The following PTPRM variants were observed in gnomAD, a reference collection of about 807,000 sequenced individuals.
The protein encoded by PTPRM is receptor-type tyrosine-protein phosphatase mu.
A neutral mutation model predicts 186.7 loss-of-function variants in PTPRM; 47 were observed. The ratio of observed to expected loss-of-function variants is 0.25; its 90% CI spans 0.20 to 0.32. PTPRM has a LOEUF of 0.32. Ranked by LOEUF, PTPRM falls within the 10% of genes least tolerant of loss-of-function variation. The probability of loss-of-function intolerance (pLI) is 1.00; values close to 1 mark genes in which losing one functional copy is unlikely to be tolerated. For synonymous variants in PTPRM, 668 were observed against 674.9 expected, an observed-to-expected ratio of 0.99 and a Z score of 0.16; for missense variants, 1,494 against 1,865.0, an observed-to-expected ratio of 0.80 and a Z score of 3.66.
At chr18:8,055,209 T>A (rs1368453231) in intron 7 of PTPRM, among the ~76,000 whole-genome samples, 1 of 152,198 alleles carries the variant, frequency 6.6e-6, no homozygotes, top group African/African-American at 2.4e-5. Context: ...ATGTCTTCAG[T>A]TAGTGCCTCT....
chr18:7,656,379 A>G lies in PTPRM; in HGVS notation c.73+88488A>G, dbSNP rs563072672. The stretch of plus-strand genomic sequence containing the variant: ...GCATCAAGAGTAGTCAGATTTGGAA[A>G]CAGAAAGTAGAATTGTGGTTCCCCG... On this transcript the variant is annotated intron_variant, in intron 1 of 32. Coordinates refer to ENST00000580170, the MANE Select transcript of PTPRM (RefSeq NM_001105244.2). Among the ~76,000 whole-genome samples, 4 of 152,274 alleles carry G rather than the reference A, an allele frequency of 2.6e-5. No individual in the cohort carries two copies. In the East Asian group the frequency reaches 7.7e-4, roughly 29 times the overall value.
intron 14 of PTPRM, among the ~76,000 whole-genome samples, chr18:8,155,705 C>G (rs1270563737): frequency 6.6e-6 from 1 of 152,124 alleles, no homozygotes; most frequent in Non-Finnish European, 1.5e-5. Flanking sequence ...GATGAAAGCC[C>G]CATTTTCAAA....
At chr18:8,015,589 G>T (rs1267358331) in intron 7 of PTPRM, among the ~76,000 whole-genome samples, 3 of 152,046 alleles carry the variant, frequency 2.0e-5, no homozygotes, top group Admixed American at 6.5e-5. Context: ...CTTTGATAGG[G>T]CTTACTATAC....
intron 2 of PTPRM, among the ~76,000 whole-genome samples, chr18:7,883,022 T>C (rs190969683): frequency 6.6e-6 from 1 of 152,308 alleles, no homozygotes; most frequent in Non-Finnish European, 1.5e-5. Context: ...AAAATAATTA[T>C]TCTTAAGAAG....
intron 4 of PTPRM, among the ~76,000 whole-genome samples, chr18:7,916,800 A>T (rs1045858748): frequency 1.3e-5 from 2 of 151,956 alleles, no homozygotes; most frequent in African/African-American, 4.8e-5. Flanking sequence ...AACATTCCAT[A>T]TCCTCTCTTC....
chr18:8,239,059 T>C (rs969539817), intron 14 of PTPRM, among the ~76,000 whole-genome samples: 1 of 150,444 alleles, frequency 6.6e-6, no homozygotes, highest in African/African-American at 2.4e-5. Flanking sequence ...GTTAGTTACA[T>C]ATGTATACAT....
chr18:7,599,488 C>G (rs1477781617), intron 1 of PTPRM, among the ~76,000 whole-genome samples: 1 of 152,158 alleles, frequency 6.6e-6, no homozygotes, highest in Non-Finnish European at 1.5e-5. Flanking sequence ...TTTGCTGGGT[C>G]CCTTGCTATA....
chr18:8,211,971 G>A (rs904576838), intron 14 of PTPRM, among the ~76,000 whole-genome samples: 1 of 152,170 alleles, frequency 6.6e-6, no homozygotes, highest in African/African-American at 2.4e-5. Context: ...CCAGGTGTCA[G>A]GGGTAAGCTG....
At chr18:8,300,918 A>C (rs2095150317) in intron 20 of PTPRM, among the ~76,000 whole-genome samples, 1 of 152,118 alleles carries the variant, frequency 6.6e-6, no homozygotes, top group South Asian at 2.1e-4. Context: ...CTGTACCCAC[A>C]CACACATAAT....
At chr18:8,238,660 T>TTG (rs1568578185) in intron 14 of PTPRM, among the ~76,000 whole-genome samples, 1 of 135,166 alleles carries the variant, frequency 7.4e-6, no homozygotes, top group African/African-American at 2.7e-5. Flanking sequence ...TGTTTTTTTT[T>TTG]TTTTTTTTTT....
chr18:8,024,979 A>C (rs142533805), intron 7 of PTPRM, among the ~76,000 whole-genome samples: 2 of 152,244 alleles, frequency 1.3e-5, no homozygotes, highest in African/African-American at 4.8e-5. Context: ...AAGTGCTGGG[A>C]TTACAAGCAT....
chr18:7,866,098 A>C (rs1312792148), intron 2 of PTPRM, among the ~76,000 whole-genome samples: 1 of 151,726 alleles, frequency 6.6e-6, no homozygotes, highest in South Asian at 2.1e-4. Flanking sequence ...AATCTGGCTA[A>C]GGGTCTATCT....
intron 1 of PTPRM, among the ~76,000 whole-genome samples, chr18:7,657,373 T>C (rs564674709): frequency 1.3e-5 from 2 of 152,320 alleles, no homozygotes; most frequent in South Asian, 4.1e-4. Context: ...CGAGGTGGCT[T>C]GTCCTTTCTG....
At chr18:7,572,684 C>T (rs1395622790) in intron 1 of PTPRM, among the ~76,000 whole-genome samples, 1 of 152,056 alleles carries the variant, frequency 6.6e-6, no homozygotes, top group East Asian at 1.9e-4. Flanking sequence ...GGGTTATGTC[C>T]ACCATGCATT....
intron 1 of PTPRM, among the ~76,000 whole-genome samples, chr18:7,669,526 G>T (rs760903570): frequency 6.6e-6 from 1 of 152,092 alleles, no homozygotes; most frequent in Non-Finnish European, 1.5e-5. Context: ...TTGGGGTCAC[G>T]GTTTGCTTGG....
At chr18:8,098,835 G>A (rs1290435648) in intron 11 of PTPRM, among the ~76,000 whole-genome samples, 1 of 151,276 alleles carries the variant, frequency 6.6e-6, no homozygotes, top group African/African-American at 2.4e-5. Context: ...TCTTTCTCAG[G>A]TCTCCAATCC....
chr18:7,676,537 C>T (rs1005942931), intron 1 of PTPRM, among the ~76,000 whole-genome samples: 4 of 151,912 alleles, frequency 2.6e-5, no homozygotes, highest in African/African-American at 9.7e-5. Context: ...CAAACCTCAC[C>T]AAAATTTTAT....
At chr18:7,870,754 C>T (rs1239762498) in intron 2 of PTPRM, among the ~76,000 whole-genome samples, 1 of 152,040 alleles carries the variant, frequency 6.6e-6, no homozygotes, top group Non-Finnish European at 1.5e-5. Flanking sequence ...TAAAAATATT[C>T]TTTGCCTTTA....
chr18:8,270,404 A>G (rs545661845), intron 19 of PTPRM: 4 of 152,262 alleles, frequency 2.6e-5, no homozygotes, highest in South Asian at 2.1e-4. Flanking sequence ...CAGAATGACA[A>G]ATCAACCTAA....
Sources: gnomAD v4.1 joint callset for allele counts (sites outside exome capture counted in the v4.1 genomes callset) on GRCh38, gnomAD v4.1.1 for gene constraint, MANE v1.5 for transcripts, NCBI Gene and HGNC (gene_info 2026-07-23, HGNC 2026-07-21) for gene names.